FOXP1: variants seen among roughly 807,000 people sequenced by gnomAD.
FOXP1 encodes forkhead box protein P1.
FOXP1 carries 15 observed loss-of-function variants against 98.2 expected under a neutral mutation model. That is an observed-to-expected ratio of 0.15 (90% CI 0.10 to 0.24). The LOEUF (loss-of-function observed/expected upper bound fraction) is 0.24, where lower values mean the gene tolerates loss of function less well. Among genes scored for constraint, FOXP1 ranks in the 10% least tolerant of loss-of-function variants. The pLI is 1.00. For synonymous variants in FOXP1, 371 were observed against 314.5 expected (o/e 1.18, Z -1.90); for missense variants, 633 against 848.5 (o/e 0.75, Z 3.15).
At chr3:71,357,696 G>A (rs1424863086) in intron 4 of FOXP1, among the ~76,000 whole-genome samples, 2 of 152,208 alleles carry the variant, frequency 1.3e-5, no homozygotes, top group African/African-American at 2.4e-5. Context: ...CCTCAGCCAG[G>A]AAAACTACTT....
rs773929329 is a variant in FOXP1 at position 71,302,251 on chromosome 3, C to CA, written c.-72-2372dup. 3.3e-5 allele frequency among the ~76,000 whole-genome samples: 5 copies of CA among 152,100 alleles called. No individual in the cohort carries two copies. The South Asian group carries it at 6.2e-4, about 19-fold the overall frequency. On this transcript the variant is annotated intron_variant, in intron 4 of 20. Transcript: ENST00000649528. ...TCATGCTAAAGTAAATGAAATGTGTCAATATAATAGACAAGAAAATTAGGG... is the reference window on the plus strand; with the variant it reads ...TCATGCTAAAGTAAATGAAATGTGTCAAATATAATAGACAAGAAAATTAGGG...
At chr3:71,494,918 A>T (rs1482986950) in intron 2 of FOXP1, among the ~76,000 whole-genome samples, 1 of 144,548 alleles carries the variant, frequency 6.9e-6, no homozygotes, top group Non-Finnish European at 1.5e-5. Flanking sequence ...TGTCACATAG[A>T]AAAAAAAAAA....
chr3:71,280,321 C>CTTTTT (rs145186097), intron 5 of FOXP1, among the ~76,000 whole-genome samples: 37 of 147,906 alleles, frequency 2.5e-4, no homozygotes, highest in African/African-American at 3.5e-4. Context: ...TTTACAATAT[C>CTTTTT]TTTTTTTTTT....
intron 3 of FOXP1, among the ~76,000 whole-genome samples, chr3:71,458,078 C>G (rs922665608): frequency 6.6e-6 from 1 of 152,192 alleles, no homozygotes; most frequent in African/African-American, 2.4e-5. Flanking sequence ...CCCTACCAGT[C>G]AGATATTTAC....
chr3:71,310,456 G>A (rs1044809108), intron 4 of FOXP1, among the ~76,000 whole-genome samples: 1 of 152,176 alleles, frequency 6.6e-6, no homozygotes, highest in Non-Finnish European at 1.5e-5. Flanking sequence ...TTCTTCACAG[G>A]CAAACTCTAC....
intron 11 of FOXP1, among the ~76,000 whole-genome samples, chr3:71,034,018 G>C (rs2047237021): frequency 6.6e-6 from 1 of 152,148 alleles, no homozygotes. Context: ...GGCCTCTGCA[G>C]TTAGCCACAC....
At chr3:71,154,704 T>A (rs563817724) in intron 6 of FOXP1, among the ~76,000 whole-genome samples, 1 of 152,294 alleles carries the variant, frequency 6.6e-6, no homozygotes, top group African/African-American at 2.4e-5. Context: ...ACTGCAGCTA[T>A]TAAATAGAGA....
intron 5 of FOXP1, among the ~76,000 whole-genome samples, chr3:71,240,458 G>A (rs1560170092): frequency 6.6e-6 from 1 of 152,200 alleles, no homozygotes; most frequent in East Asian, 1.9e-4. Context: ...GGATGAAATG[G>A]GTGGTTTTTG....
intron 3 of FOXP1, among the ~76,000 whole-genome samples, chr3:71,437,546 C>A (rs964522270): frequency 2.0e-5 from 3 of 152,160 alleles, no homozygotes; most frequent in African/African-American, 7.2e-5. Context: ...TGGACTGGGG[C>A]AGAGTGAGGG....
At chr3:71,134,474 T>C (rs536609952) in intron 6 of FOXP1, among the ~76,000 whole-genome samples, 176 of 152,270 alleles carry the variant, frequency 1.2e-3, no homozygotes, top group Middle Eastern at 3.4e-3. Flanking sequence ...GGTAGGTAGA[T>C]AGACAGATAG....
chr3:71,331,505 G>A (rs187553224), intron 4 of FOXP1, among the ~76,000 whole-genome samples: 22 of 152,356 alleles, frequency 1.4e-4, no homozygotes, highest in African/African-American at 3.1e-4. Flanking sequence ...GGACTGGCAC[G>A]CAGCTCCACC....
intron 5 of FOXP1, among the ~76,000 whole-genome samples, chr3:71,242,711 T>TAC (rs1185692020): frequency 9.3e-5 from 14 of 150,250 alleles, no homozygotes; most frequent in Admixed American, 9.3e-4. Flanking sequence ...ACTGTGAGGG[T>TAC]ACATCGCTGT....
intron 3 of FOXP1, among the ~76,000 whole-genome samples, chr3:71,426,438 AGAG>A (rs1483108580): frequency 1.3e-5 from 2 of 152,222 alleles, no homozygotes; most frequent in African/African-American, 4.8e-5. Context: ...TATTAGGCAA[AGAG>A]GAGAAGTCTT....
intron 2 of FOXP1, among the ~76,000 whole-genome samples, chr3:71,564,203 C>A (rs184210463): frequency 2.0e-5 from 3 of 152,342 alleles, no homozygotes; most frequent in Admixed American, 2.0e-4. Context: ...TGTTCCAAAG[C>A]TCATGCCACA....
chr3:71,190,171 C>T (rs760951496), intron 6 of FOXP1, among the ~76,000 whole-genome samples: 1 of 152,182 alleles, frequency 6.6e-6, no homozygotes, highest in Admixed American at 6.5e-5. Context: ...TTTTCACCAT[C>T]TTCCCATCTT....
At chr3:70,971,346 A>AATAAGGGGATGTCTTAG (rs2036196204) in intron 18 of FOXP1, 1 of 167,530 alleles carries the variant, frequency 6.0e-6, no homozygotes, top group Non-Finnish European at 1.3e-5. Context: ...GTCGTTCCTA[A>AATAAGGGGATGTCTTAG]ATAAGGGGAT....
chr3:71,269,102 T>TTG (rs1252560424), intron 5 of FOXP1, among the ~76,000 whole-genome samples: 19 of 150,076 alleles, frequency 1.3e-4, no homozygotes, highest in African/African-American at 4.5e-4. Context: ...TTTTTTGTTT[T>TTG]TTTTTTTTTT....
chr3:71,312,831 AC>A (rs1482305155), intron 4 of FOXP1, among the ~76,000 whole-genome samples: 1 of 16,614 alleles, frequency 6.0e-5, no homozygotes, highest in African/African-American at 6.5e-5. Context: ...ACCAAAAAAT[AC>A]AAAAAAAAAT....
chr3:71,196,119 T>C (rs1193961754), intron 6 of FOXP1, among the ~76,000 whole-genome samples: 1 of 152,160 alleles, frequency 6.6e-6, no homozygotes, highest in Admixed American at 6.5e-5. Context: ...CTTTGTTTCT[T>C]CCCAAAATGT....
Sources: gnomAD v4.1 joint callset for allele counts (sites outside exome capture counted in the v4.1 genomes callset) on GRCh38, gnomAD v4.1.1 for gene constraint, MANE v1.5 for transcripts, NCBI Gene and HGNC (gene_info 2026-07-23, HGNC 2026-07-21) for gene names.